Variants in TRERF1 observed in about 807,000 individuals in gnomAD.
The protein encoded by TRERF1 is transcriptional regulating factor 1.
A neutral mutation model predicts 122.9 loss-of-function variants in TRERF1; 27 were observed. The ratio of observed to expected loss-of-function variants is 0.22; its 90% CI spans 0.16 to 0.30. The LOEUF (loss-of-function observed/expected upper bound fraction) is 0.30. Ranked by LOEUF, TRERF1 falls within the 10% of genes least tolerant of loss-of-function variation. The pLI, the probability that TRERF1 is intolerant of heterozygous loss-of-function variation, is 1.00. For synonymous variants in TRERF1, 636 were observed against 641.7 expected (o/e 0.99, Z 0.13); for missense variants, 1,248 against 1,560.3 (o/e 0.80, Z 3.37).
intron 3 of TRERF1, among the ~76,000 whole-genome samples, chr6:42,345,028 T>C (rs1378421295): frequency 6.6e-6 from 1 of 152,110 alleles, no homozygotes; most frequent in Non-Finnish European, 1.5e-5. Context: ...ACCTATATTA[T>C]CATGGAGAAA....
intron 3 of TRERF1, among the ~76,000 whole-genome samples, chr6:42,337,418 T>C (rs762613476): frequency 6.6e-6 from 1 of 152,052 alleles, no homozygotes; most frequent in East Asian, 1.9e-4. Context: ...GCCCCTGCGG[T>C]TTTTCTCTGG....
At chr6:42,236,152 A>G (rs1475362810) in intron 16 of TRERF1, 53 bp downstream of exon 16, 21 of 1,516,164 alleles carry the variant, frequency 1.4e-5, no homozygotes, top group Non-Finnish European at 1.8e-5. Context: ...AGCCAGGCAC[A>G]GCTATATGGC....
chr6:42,256,623 G>A (rs1379109678), intron 12 of TRERF1, 105 bp downstream of exon 12: 11 of 926,428 alleles, frequency 1.2e-5, no homozygotes, highest in East Asian at 2.5e-5. Context: ...GTCATCATGC[G>A]CCGATTGGTC....
At chr6:42,301,012 G>GAC (rs1786070693) in intron 3 of TRERF1, among the ~76,000 whole-genome samples, 1 of 151,796 alleles carries the variant, frequency 6.6e-6, no homozygotes, top group Non-Finnish European at 1.5e-5. Context: ...GAGAGAGAGA[G>GAC]AGAGACAGAC....
intron 2 of TRERF1, among the ~76,000 whole-genome samples, chr6:42,423,799 A>G (rs1431274832): frequency 6.6e-6 from 1 of 152,170 alleles, no homozygotes; most frequent in Non-Finnish European, 1.5e-5. Flanking sequence ...CTCCTCCTTG[A>G]TCCCATCTGT....
At chr6:42,411,917 T>C (rs901057281) in intron 2 of TRERF1, among the ~76,000 whole-genome samples, 1 of 152,172 alleles carries the variant, frequency 6.6e-6, no homozygotes, top group African/African-American at 2.4e-5. Flanking sequence ...CCAGATGGCT[T>C]CTGCAGACAC....
At position 42,268,178 on chromosome 6, in the gene TRERF1, C is replaced by T. The variant is rs199587174; in HGVS notation, c.1413G>A (p.Leu471=). 6.8e-7 allele frequency: 1 copy of T among 1,461,158 alleles called. No homozygotes were observed. Among genetic ancestry groups the T allele is most frequent in the Non-Finnish European group, 9.0e-7 (1 of 1,105,296 alleles). 90.5% of individuals were successfully genotyped at this position (1,461,158 alleles called of 1,614,324 possible). The change falls in exon 5 of 18, where the codon CTG becomes CTA. Residue 471 remains leucine, a synonymous_variant. Coordinates refer to ENST00000372922, the Ensembl canonical transcript of TRERF1. The surrounding 1 kb of genome is among the most constrained non-coding windows in gnomAD (Gnocchi z 4.4). ...CCTGGGGCCACATGGCACTGGGAGA[C>T]AGCTGCTGATGCTGAGGCCCCATGT...
intron 2 of TRERF1, among the ~76,000 whole-genome samples, chr6:42,391,234 T>C (rs1231983747): frequency 6.6e-6 from 1 of 152,210 alleles, no homozygotes; most frequent in East Asian, 1.9e-4. Context: ...TCAGCTACAC[T>C]GGACTGCAAT....
chr6:42,446,349 C>G (rs904232345), intron 2 of TRERF1, among the ~76,000 whole-genome samples: 1 of 152,208 alleles, frequency 6.6e-6, no homozygotes, highest in Non-Finnish European at 1.5e-5. Flanking sequence ...TCTTTGAGTT[C>G]TCCAAAACCA....
At chr6:42,353,902 T>C (rs1343290257) in intron 3 of TRERF1, among the ~76,000 whole-genome samples, 3 of 152,250 alleles carry the variant, frequency 2.0e-5, no homozygotes, top group African/African-American at 4.8e-5. Flanking sequence ...AAAATCGTGA[T>C]GGTAGTTCTG....
chr6:42,305,995 C>CTTTTTTTTTTTTTTT (rs55700516), intron 3 of TRERF1, among the ~76,000 whole-genome samples: 1 of 69,464 alleles, frequency 1.4e-5, no homozygotes, highest in Non-Finnish European at 2.5e-5. Context: ...AATATCTCTC[C>CTTTTTTTTTTTTTTT]TTTTTTTTTT....
chr6:42,368,822 T>C lies in TRERF1; in HGVS notation c.-453-5743A>G, dbSNP rs548255335. 5.2e-4 allele frequency among the ~76,000 whole-genome samples: 79 copies of C among 152,332 alleles called. 2 individuals are homozygous for C. In the South Asian group the frequency reaches 0.016, roughly 31 times the overall value. On this transcript the variant is annotated intron_variant, in intron 2 of 17. Transcript: ENST00000372922. ...TATATCACAGGCCTAATGAGAATTA[T>C]GGGGAGTTTTTTAGTTAAAAAATGA...
At position 42,451,940 on chromosome 6, in the gene TRERF1, G is replaced by A. The variant is rs560124730; in HGVS notation, c.-539+81C>T. 5 of 152,588 alleles carry A rather than the reference G, an allele frequency of 3.3e-5. No individual in the cohort carries two copies. The highest frequency in any genetic ancestry group is 4.4e-5 in the Non-Finnish European group (3 of 68,076). 9.5% of individuals were successfully genotyped at this position (152,588 alleles called of 1,614,324 possible). On this transcript the variant is annotated intron_variant, in intron 1 of 17. Transcript: ENST00000372922. ...CTTAGAGGGAAGGGGGTGTGCTGGGGAGACAGAAATACATATGTATCTCTC... is the reference window on the plus strand; with the variant it reads ...CTTAGAGGGAAGGGGGTGTGCTGGGAAGACAGAAATACATATGTATCTCTC...
At chr6:42,378,663 G>C (rs1775340833) in intron 2 of TRERF1, among the ~76,000 whole-genome samples, 1 of 152,188 alleles carries the variant, frequency 6.6e-6, no homozygotes, top group Admixed American at 6.5e-5. Flanking sequence ...CCCTAGGAGA[G>C]TCGATGCCTA....
intron 3 of TRERF1, among the ~76,000 whole-genome samples, chr6:42,333,766 G>C (rs376647781): frequency 1.3e-5 from 2 of 152,294 alleles, no homozygotes; most frequent in South Asian, 4.1e-4. Context: ...TGGGCCCCTC[G>C]AGTGCTTACT....
intron 2 of TRERF1, among the ~76,000 whole-genome samples, chr6:42,388,290 G>C (rs1010810526): frequency 1.3e-5 from 2 of 149,582 alleles, no homozygotes; most frequent in Non-Finnish European, 3.0e-5. Context: ...ATACTAACAT[G>C]AAGTTGGGTT....
At position 42,254,808 on chromosome 6, in the gene TRERF1, C is replaced by T. The variant is rs202051968; in HGVS notation, c.2656+43G>A. The T allele has an allele frequency of 6.6e-5, 103 of 1,571,980 alleles. No individual in the cohort carries two copies. The Admixed American group carries it at 9.8e-4, about 15-fold the overall frequency. ...GACACAACCGAACATGCAAGCAGCC[C>T]GTCGTCAGGAGGCAACAGGACACAG... On this transcript the variant is annotated intron_variant, in intron 13 of 17. Coordinates refer to ENST00000372922, the Ensembl canonical transcript of TRERF1.
intron 9 of TRERF1, among the ~76,000 whole-genome samples, chr6:42,258,515 G>C (rs1777173789): frequency 6.6e-6 from 1 of 152,240 alleles, no homozygotes; most frequent in Admixed American, 6.5e-5. Flanking sequence ...TATAAAGCAT[G>C]CTAAAATGTC....
chr6:42,418,266 C>CTTTTTT (rs60655151), intron 2 of TRERF1, among the ~76,000 whole-genome samples: 2 of 37,016 alleles, frequency 5.4e-5, no homozygotes, highest in Non-Finnish European at 8.8e-5. Flanking sequence ...TTCTTTCTTT[C>CTTTTTT]TTTTTTTTTT....
Sources: allele counts gnomAD v4.1 joint callset (sites outside exome capture counted in the v4.1 genomes callset), GRCh38; gene constraint gnomAD v4.1.1; non-coding constraint Gnocchi (gnomAD v3.1); transcripts MANE v1.5; gene names NCBI Gene and HGNC (gene_info 2026-07-23, HGNC 2026-07-21).